The following AKAP6 variants were observed in gnomAD, a reference collection of about 807,000 sequenced individuals.
The protein encoded by AKAP6 is A-kinase anchoring protein 6.
A neutral mutation model predicts 188.5 loss-of-function variants in AKAP6; 58 were observed. That is an observed-to-expected ratio of 0.31 (90% CI 0.25 to 0.38). The LOEUF (loss-of-function observed/expected upper bound fraction) is 0.38. AKAP6 is among the 10% of genes least tolerant of loss of function. AKAP6 has a pLI of 1.00. For missense variants in AKAP6, 2,710 were observed against 2,740.0 expected, an observed-to-expected ratio of 0.99 and a Z score of 0.24; for synonymous variants, 989 against 998.6, an observed-to-expected ratio of 0.99 and a Z score of 0.18.
intron 3 of AKAP6, among the ~76,000 whole-genome samples, chr14:32,543,562 A>G (rs1444446069): frequency 6.6e-6 from 1 of 152,180 alleles, no homozygotes; most frequent in African/African-American, 2.4e-5. Flanking sequence ...ATATATACCT[A>G]TTAGTGGGAT....
At chr14:32,633,237 G>C (rs11844811) in intron 7 of AKAP6, among the ~76,000 whole-genome samples, 1 of 152,168 alleles carries the variant, frequency 6.6e-6, no homozygotes, top group East Asian at 1.9e-4. Context: ...TTTTACATCA[G>C]AAAATATGGA....
Position 32,824,477 on chromosome 14 carries a change from G to A in AKAP6, c.6664G>A (p.Ala2222Thr), listed in dbSNP as rs1179181563. The A allele has an allele frequency of 2.5e-6, 4 of 1,613,986 alleles. No individual in the cohort carries two copies. In the Admixed American group the frequency reaches 6.7e-5, roughly 27 times the overall value. Residue 2222 changes from alanine (A) to threonine (T), a missense_variant, in exon 13 of 14, where the codon GCT becomes ACT. Physicochemically the swap from Ala to Thr is moderately conservative, Grantham distance 58. This residue lies in a region of AKAP6 where 2,473 missense variants were observed against 2,426.1 expected (regional missense o/e 1.02). Coordinates refer to ENST00000280979, the MANE Select transcript of AKAP6 (RefSeq NM_004274.5). ...TTCAAGTCCTTCCTCTCAGGAAAGA[G>A]CTGAGGTTGGAAAGGAAGTGAATGG... is the stretch of plus-strand genomic sequence containing the variant. ...ALSSPSSQER[A>T]EVGKEVNGLP... is the part of the protein sequence containing the mutation.
intron 1 of AKAP6, among the ~76,000 whole-genome samples, chr14:32,374,083 C>A (rs369344394): frequency 6.6e-5 from 10 of 152,122 alleles, no homozygotes; most frequent in African/African-American, 2.4e-4. Flanking sequence ...TAAAACTTTG[C>A]GTAAGGAATA....
chr14:32,502,247 T>C (rs1880643261), intron 2 of AKAP6, among the ~76,000 whole-genome samples: 1 of 152,166 alleles, frequency 6.6e-6, no homozygotes, highest in Non-Finnish European at 1.5e-5. Flanking sequence ...GTTTTATTTC[T>C]TAAATGAAAG....
chr14:32,787,708 A>G (rs1188793577), intron 12 of AKAP6, among the ~76,000 whole-genome samples: 1 of 152,202 alleles, frequency 6.6e-6, no homozygotes, highest in Non-Finnish European at 1.5e-5. Context: ...TGTTAAAAAA[A>G]GTCTTTATGC....
rs1396626929 is a variant in AKAP6, at chr14:32,715,075, C to T, written c.3001-17379C>T. Among the ~76,000 whole-genome samples the T allele has an allele frequency of 2.0e-5, 3 of 151,828 alleles. No individual in the cohort carries two copies. In the East Asian group the frequency reaches 5.8e-4, roughly 29 times the overall value. On this transcript the variant is annotated intron_variant, in intron 9 of 13. Transcript: ENST00000280979. ...ATGGTCGAAGGCAGATTCATATTTGCTTGAGGAAAAAATGATTACAAATTT... is the reference window on the plus strand; with the variant it reads ...ATGGTCGAAGGCAGATTCATATTTGTTTGAGGAAAAAATGATTACAAATTT...
intron 2 of AKAP6, among the ~76,000 whole-genome samples, chr14:32,485,825 C>G (rs748883152): frequency 1.3e-5 from 2 of 152,142 alleles, no homozygotes; most frequent in Non-Finnish European, 2.9e-5. Context: ...TTGATTAGAT[C>G]CCATTTGTCA....
intron 7 of AKAP6, among the ~76,000 whole-genome samples, chr14:32,625,372 T>C (rs757052520): frequency 3.9e-5 from 6 of 152,154 alleles, no homozygotes; most frequent in African/African-American, 7.2e-5. Flanking sequence ...TAATATATTA[T>C]GTTTTAAATA....
chr14:32,498,341 C>CA (rs1880433525), intron 2 of AKAP6, among the ~76,000 whole-genome samples: 1 of 87,444 alleles, frequency 1.1e-5, no homozygotes, highest in African/African-American at 3.1e-5. Flanking sequence ...GTGCAGGAGC[C>CA]ATTTTTTTCC....
chr14:32,583,923 G>T (rs370180149), intron 5 of AKAP6, among the ~76,000 whole-genome samples: 1 of 152,178 alleles, frequency 6.6e-6, no homozygotes, highest in Admixed American at 6.5e-5. Flanking sequence ...GACCCCTCAC[G>T]ATTCCCGAGG....
intron 4 of AKAP6, among the ~76,000 whole-genome samples, chr14:32,566,773 T>C (rs1884208974): frequency 6.6e-6 from 1 of 152,220 alleles, no homozygotes; most frequent in Non-Finnish European, 1.5e-5. Context: ...ACTCTAGTTC[T>C]GTACTTTTTT....
intron 7 of AKAP6, among the ~76,000 whole-genome samples, chr14:32,617,998 A>ACCC (rs1886655060): frequency 6.6e-6 from 1 of 152,098 alleles, no homozygotes; most frequent in East Asian, 1.9e-4. Context: ...ACTCTTTGAG[A>ACCC]TTACCTAGGA....
chr14:32,397,119 G>T (rs1019089219), intron 1 of AKAP6, among the ~76,000 whole-genome samples: 2 of 152,114 alleles, frequency 1.3e-5, no homozygotes, highest in South Asian at 4.1e-4. Flanking sequence ...TCTGGAGAAG[G>T]CCTGAGAATT....
intron 11 of AKAP6, among the ~76,000 whole-genome samples, chr14:32,741,088 T>C (rs1388958184): frequency 6.6e-6 from 1 of 151,644 alleles, no homozygotes; most frequent in Non-Finnish European, 1.5e-5. Flanking sequence ...TCATAGAGAT[T>C]TTTCAGTTCT....
chr14:32,577,900 G>A (rs1418213701), intron 5 of AKAP6, among the ~76,000 whole-genome samples: 2 of 152,076 alleles, frequency 1.3e-5, no homozygotes, highest in Non-Finnish European at 1.5e-5. Flanking sequence ...TGCTTCAAAT[G>A]GCCGATATCA....
rs780381859 is a variant in AKAP6 at position 32,545,245 on chromosome 14, C to T, written c.592C>T (p.Leu198=). The change falls in exon 4 of 14, where the codon CTA becomes TTA. Residue 198 remains leucine (L), a synonymous_variant. Coordinates refer to ENST00000280979, the MANE Select transcript of AKAP6 (RefSeq NM_004274.5). The part of the protein sequence containing the change: ...EETKEGRLDS[L]TEVDDSGQLT... ...TCTGTTTCAGGGCCGGCTTGATTCT[C>T]TAACAGAAGTGGATGACTCAGGACA... 3.7e-6 allele frequency: 6 copies of T among 1,612,734 alleles called. No individual in the cohort carries two copies. In the Admixed American group the frequency reaches 8.3e-5, roughly 22 times the overall value.
chr14:32,521,725 T>A (rs986671906), intron 2 of AKAP6, among the ~76,000 whole-genome samples: 3 of 152,232 alleles, frequency 2.0e-5, no homozygotes, highest in Admixed American at 6.5e-5. Flanking sequence ...ATGCTCATGG[T>A]TAGGAAGAAT....
intron 11 of AKAP6, among the ~76,000 whole-genome samples, chr14:32,738,915 A>G (rs775795360): frequency 4.6e-5 from 7 of 152,160 alleles, no homozygotes; most frequent in Non-Finnish European, 1.0e-4. Context: ...ACTAATTTAC[A>G]AAACTACTTA....
chr14:32,586,419 G>C lies in AKAP6; in HGVS notation c.2469+9177G>C, dbSNP rs878236. On this transcript the variant is annotated intron_variant, in intron 5 of 13. Coordinates refer to ENST00000280979, the MANE Select transcript of AKAP6 (RefSeq NM_004274.5). ...GAGGCAGGGAGATCACTTGAGTCCA[G>C]GAGTTTGAGACCAACCTGGCCAATA... Among the ~76,000 whole-genome samples, 578 of 152,288 alleles carry C rather than the reference G, an allele frequency of 3.8e-3. 5 individuals carry two copies. Among genetic ancestry groups the C allele is most frequent in the African/African-American group, 0.013 (554 of 41,550 alleles).
Sources: gnomAD v4.1 joint callset for allele counts (sites outside exome capture counted in the v4.1 genomes callset) on GRCh38, gnomAD v4.1.1 for gene constraint, gnomAD v4.1.1 regional missense constraint, MANE v1.5 for transcripts, NCBI Gene and HGNC (gene_info 2026-07-23, HGNC 2026-07-21) for gene names.